CACNA1S: variants seen among roughly 807,000 people sequenced by gnomAD.
CACNA1S encodes the protein calcium voltage-gated channel subunit alpha1 S.
Under a neutral mutation model 207.4 loss-of-function variants are expected in CACNA1S, and 126 were observed. That is an observed-to-expected ratio of 0.61 (90% CI 0.53 to 0.70). The LOEUF is 0.70. Among genes scored for constraint, CACNA1S ranks in the 30% least tolerant of loss-of-function variants. CACNA1S has a pLI of 0.00. For missense variants in CACNA1S, 2,349 were observed against 2,422.8 expected (o/e 0.97, Z 0.64); for synonymous variants, 960 against 932.7 (o/e 1.03, Z -0.53).
Position 201,066,107 on chromosome 1 carries a change from CT to C in CACNA1S, c.2745+121del. ...AGCTACCCCAGCCTCATCCTTACCC[CT>C]ATCTGCCCAGGGAGATGGGACAGGG... On this transcript the variant is annotated intron_variant, in intron 21 of 43. Coordinates refer to ENST00000362061, the MANE Select transcript of CACNA1S (RefSeq NM_000069.3). This position sits in a 1 kb window ranked among gnomAD's most constrained non-coding sequence, Gnocchi z 4.3. 1 of 1,039,348 alleles carries C rather than the reference CT, an allele frequency of 9.6e-7. No individual in the cohort carries two copies. The highest frequency in any genetic ancestry group is 1.3e-5 in the South Asian group (1 of 76,716). The allele number at this position is 1,039,348 out of a possible 1,614,324, so 64.4% of individuals were successfully genotyped here.
intron 10 of CACNA1S, among the ~76,000 whole-genome samples, chr1:201,082,728 C>G (rs1661880201): frequency 6.6e-6 from 1 of 152,208 alleles, no homozygotes; most frequent in Non-Finnish European, 1.5e-5. Flanking sequence ...AGTTCTTTTC[C>G]TGTGCCTTAC....
chr1:201,061,595 C>T (rs192911563), intron 24 of CACNA1S, 127 bp from the exon 25 acceptor site: 54 of 918,200 alleles, frequency 5.9e-5, no homozygotes, highest in Middle Eastern at 2.7e-4. Flanking sequence ...AATCAAGTTA[C>T]GGGACAGGAG....
At chr1:201,095,150 A>G (rs1184878334) in intron 2 of CACNA1S, among the ~76,000 whole-genome samples, 88 of 120,064 alleles carry the variant, frequency 7.3e-4, no homozygotes, top group Non-Finnish European at 1.5e-3. Flanking sequence ...GTGTATACAT[A>G]TATATACATA....
rs748172074 is a variant in CACNA1S, at chr1:201,053,308, T to A, written c.3796-34A>T. ...CGGGCGGGAGCGCCAGTCAGTGTCTTAGGGCTCCACTGTGTGTCTGCAGCC... is the reference window on the plus strand; with the variant it reads ...CGGGCGGGAGCGCCAGTCAGTGTCTAAGGGCTCCACTGTGTGTCTGCAGCC... On this transcript the variant is annotated intron_variant, in intron 30 of 43. Coordinates refer to ENST00000362061, the MANE Select transcript of CACNA1S (RefSeq NM_000069.3). This position sits in a 1 kb window ranked among gnomAD's most constrained non-coding sequence, Gnocchi z 5.1. The A allele has an allele frequency of 5.0e-6, 8 of 1,613,502 alleles. No homozygotes were observed. The South Asian group carries it at 8.8e-5, about 18-fold the overall frequency.
At position 201,105,875 on chromosome 1, in the gene CACNA1S, G is replaced by A. The variant is rs530946283; in HGVS notation, c.258+4289C>T. On this transcript the variant is annotated intron_variant, in intron 2 of 43. Transcript: ENST00000362061. ...AGCAGTCACACCCCCGGCCCTGCTCGCACACACGGCAACTGAGGGAAGCCC... is the reference window on the plus strand; with the variant it reads ...AGCAGTCACACCCCCGGCCCTGCTCACACACACGGCAACTGAGGGAAGCCC... 7.9e-5 allele frequency among the ~76,000 whole-genome samples: 12 copies of A among 152,226 alleles called. No homozygotes were observed. In the South Asian group the frequency reaches 2.5e-3, roughly 32 times the overall value.
Position 201,041,501 on chromosome 1 carries a change from G to A in CACNA1S, c.5134+3C>T. On this transcript the variant is annotated splice_donor_region_variant and intron_variant, in intron 41 of 43. Coordinates refer to ENST00000362061, the MANE Select transcript of CACNA1S (RefSeq NM_000069.3). The stretch of plus-strand genomic sequence containing the variant: ...GCTTCTTAGATGCACAGAAGGGACT[G>A]ACCCAGGACCCTGCAGGGTTGGCCA... The A allele has an allele frequency of 6.2e-7, 1 of 1,610,752 alleles. No homozygotes were observed. The highest frequency in any genetic ancestry group is 1.1e-5 in the South Asian group (1 of 90,992).
chr1:201,059,305 G>A lies in CACNA1S; in HGVS notation c.3415-6C>T. The A allele has an allele frequency of 6.2e-7, 1 of 1,601,418 alleles. No individual in the cohort carries two copies. The highest frequency in any genetic ancestry group is 1.3e-5 in the African/African-American group (1 of 74,762). Reference sequence around the variant, plus strand: ...TGCTCCGACTGGTTGTAGTGCTGTGGAGGGGACACAGGAGCAGTGGGTCAG... The same window carrying A: ...TGCTCCGACTGGTTGTAGTGCTGTGAAGGGGACACAGGAGCAGTGGGTCAG... On this transcript the variant is annotated splice_polypyrimidine_tract_variant and splice_region_variant and intron_variant, in intron 26 of 43. Transcript: ENST00000362061.
At chr1:201,048,795 G>T in intron 35 of CACNA1S, 111 bp from the exon 36 acceptor site, 2 of 964,288 alleles carry the variant, frequency 2.1e-6, no homozygotes, top group Non-Finnish European at 3.3e-6. Context: ...AGGGCTGGGG[G>T]TGTCAGCTGA....
Position 201,043,515 on chromosome 1 carries a change from A to G in CACNA1S, c.4814T>C (p.Phe1605Ser). 6.2e-7 allele frequency: 1 copy of G among 1,613,970 alleles called. No individual in the cohort carries two copies. The change falls in exon 40 of 44, where the codon TTT becomes TCT. Residue 1605 changes from phenylalanine (F) to serine (S), a missense_variant. Phe to Ser is a radical substitution (Grantham distance 155). Coordinates refer to ENST00000362061, the MANE Select transcript of CACNA1S (RefSeq NM_000069.3). ...TTCCAGGAAGTTGTCCACCTGGCCA[A>G]ACAGGCCTCCAGTCCTCTAGGGGCA... ...EGIFRRTGGL[F>S]GQVDNFLERT...
At chr1:201,070,053 T>C (rs569158230) in intron 17 of CACNA1S, among the ~76,000 whole-genome samples, 6 of 152,210 alleles carry the variant, frequency 3.9e-5, no homozygotes, top group Non-Finnish European at 7.3e-5. Context: ...AAGGAACCAA[T>C]AAACAGGTCC....
At chr1:201,092,140 G>A (rs1354498322) in intron 3 of CACNA1S, 26 bp from the exon 4 acceptor site, 1 of 1,613,968 alleles carries the variant, frequency 6.2e-7, no homozygotes, top group Non-Finnish European at 8.5e-7. Flanking sequence ...GGGAGAGAGG[G>A]GGTCCAGGGG....
chr1:201,067,834 A>C (rs896898384), intron 19 of CACNA1S, among the ~76,000 whole-genome samples: 1 of 152,054 alleles, frequency 6.6e-6, no homozygotes, highest in African/African-American at 2.4e-5. Context: ...CCCTCTACTC[A>C]ATTCCTTCAA....
chr1:201,092,181 G>A (rs1003915474), intron 3 of CACNA1S, 67 bp from the exon 4 acceptor site: 2 of 1,590,306 alleles, frequency 1.3e-6, no homozygotes, highest in African/African-American at 2.7e-5. Flanking sequence ...GTGGTCTGAG[G>A]CCCTGTGTCC....
intron 34 of CACNA1S, among the ~76,000 whole-genome samples, chr1:201,049,838 C>A (rs965698956): frequency 2.0e-5 from 3 of 152,292 alleles, no homozygotes; most frequent in South Asian, 4.1e-4. Context: ...CCATCTCTTA[C>A]CAGTTACATG....
chr1:201,103,620 C>T (rs1308335530), intron 2 of CACNA1S, among the ~76,000 whole-genome samples: 1 of 152,158 alleles, frequency 6.6e-6, no homozygotes, highest in Non-Finnish European at 1.5e-5. Flanking sequence ...TTCATTTCCA[C>T]AGACCCTTTT....
chr1:201,087,987 T>C (rs1662094510), intron 6 of CACNA1S, 58 bp from the exon 7 acceptor site: 2 of 1,174,254 alleles, frequency 1.7e-6, no homozygotes, highest in African/African-American at 3.0e-5. Context: ...CTTCCCCAAG[T>C]CTGCTCATTA....
chr1:201,106,475 C>A (rs1233435798), intron 2 of CACNA1S, among the ~76,000 whole-genome samples: 1 of 152,168 alleles, frequency 6.6e-6, no homozygotes, highest in Non-Finnish European at 1.5e-5. Flanking sequence ...TTCTACAATG[C>A]GCTCCTTCAC....
At position 201,069,523 on chromosome 1, in the gene CACNA1S, G is replaced by A. The variant is rs376863448; in HGVS notation, c.2439C>T (p.Ser813=). ...NFILLFILLS[S]AALAAEDPIR... Reference sequence around the variant, plus strand: ...TGGGGTCTTCCGCAGCCAGTGCAGCGCTGCTGAGCAGGATGAAGAGCAGGA... The same window carrying A: ...TGGGGTCTTCCGCAGCCAGTGCAGCACTGCTGAGCAGGATGAAGAGCAGGA... The change falls in exon 18 of 44, where the codon AGC becomes AGT. Residue 813 remains serine, a synonymous_variant. Coordinates refer to ENST00000362061, the MANE Select transcript of CACNA1S (RefSeq NM_000069.3). The A allele has an allele frequency of 9.4e-5, 150 of 1,593,074 alleles. No individual in the cohort carries two copies. The highest frequency in any genetic ancestry group is 6.6e-4 in the East Asian group (29 of 44,186).
intron 2 of CACNA1S, among the ~76,000 whole-genome samples, chr1:201,107,686 G>A (rs528535057): frequency 3.0e-4 from 45 of 152,282 alleles, no homozygotes; most frequent in African/African-American, 8.4e-4. Flanking sequence ...CAGCCAATAG[G>A]GCAAGAGAGA....
Sources: allele counts gnomAD v4.1 joint callset (sites outside exome capture counted in the v4.1 genomes callset), GRCh38; gene constraint gnomAD v4.1.1; non-coding constraint Gnocchi (gnomAD v3.1); transcripts MANE v1.5; gene names NCBI Gene and HGNC (gene_info 2026-07-23, HGNC 2026-07-21).